The following GRM8 variants were observed in gnomAD, a reference collection of about 807,000 sequenced individuals.
GRM8 encodes the protein metabotropic glutamate receptor 8.
GRM8 carries 47 observed loss-of-function variants against 87.2 expected under a neutral mutation model. That is an observed-to-expected ratio of 0.54 (90% confidence interval 0.43 to 0.69). The LOEUF (loss-of-function observed/expected upper bound fraction) is 0.69, where lower values mean the gene tolerates loss of function less well. Ranked by LOEUF, GRM8 falls within the 30% of genes least tolerant of loss-of-function variation. The probability of loss-of-function intolerance (pLI) is 0.00; values close to 1 mark genes in which losing one functional copy is unlikely to be tolerated. For missense variants in GRM8, 1,019 were observed against 1,139.2 expected, an observed-to-expected ratio of 0.89 and a Z score of 1.52; for synonymous variants, 396 against 404.5, an observed-to-expected ratio of 0.98 and a Z score of 0.25.
At chr7:127,048,533 A>T in intron 3 of GRM8, among the ~76,000 whole-genome samples, 1 of 152,242 alleles carries the variant, frequency 6.6e-6, no homozygotes. Flanking sequence ...TCAAGAGGCC[A>T]TGGCAGTATT....
chr7:126,533,163 A>G lies in GRM8; in HGVS notation c.2219T>C (p.Leu740Pro). 6.2e-7 allele frequency: 1 copy of G among 1,612,846 alleles called. No individual in the cohort carries two copies. The highest frequency in any genetic ancestry group is 8.5e-7 in the Non-Finnish European group (1 of 1,179,726). The change falls in exon 9 of 11, where the codon CTC (leucine) becomes CCC (proline). Residue 740 changes from leucine to proline, a missense_variant. Physicochemically the swap from Leu to Pro is moderately conservative, Grantham distance 98. Coordinates refer to ENST00000339582, the MANE Select transcript of GRM8 (RefSeq NM_000845.3). Reference protein sequence around the residue: ...TLDPEKARGVLKCDISDLSLI... With the variant: ...TLDPEKARGVPKCDISDLSLI... ...TGAGAGATCAGAAATGTCACACTTG[A>G]GCACTCCCCTGGCCTTCTCTGGATC...
chr7:126,469,829 T>C (rs1804955753), intron 9 of GRM8, among the ~76,000 whole-genome samples: 1 of 152,092 alleles, frequency 6.6e-6, no homozygotes, highest in African/African-American at 2.4e-5. Context: ...TAGAGTGTGG[T>C]ACTGCTAATA....
At chr7:126,949,947 T>C (rs891587334) in intron 3 of GRM8, among the ~76,000 whole-genome samples, 2 of 152,204 alleles carry the variant, frequency 1.3e-5, no homozygotes, top group African/African-American at 4.8e-5. Context: ...TGTAGGCTTC[T>C]GTCGAGTATT....
chr7:126,550,771 A>G (rs1248173241), intron 8 of GRM8, among the ~76,000 whole-genome samples: 1 of 151,868 alleles, frequency 6.6e-6, no homozygotes, highest in East Asian at 1.9e-4. Context: ...GTAGGCACAA[A>G]TGATACATAA....
intron 8 of GRM8, among the ~76,000 whole-genome samples, chr7:126,572,860 G>A (rs1794798501): frequency 6.6e-6 from 1 of 152,156 alleles, no homozygotes; most frequent in African/African-American, 2.4e-5. Flanking sequence ...AGGTACAGAA[G>A]TGACATCCTA....
At chr7:127,014,952 A>G (rs943151507) in intron 3 of GRM8, among the ~76,000 whole-genome samples, 4 of 141,106 alleles carry the variant, frequency 2.8e-5, no homozygotes, top group Non-Finnish European at 6.1e-5. Context: ...AGAAAGAGAG[A>G]GAGAAGAAGA....
At chr7:127,041,743 G>T (rs1486863731) in intron 3 of GRM8, among the ~76,000 whole-genome samples, 1 of 152,156 alleles carries the variant, frequency 6.6e-6, no homozygotes, top group Non-Finnish European at 1.5e-5. Context: ...CTGTTTTATA[G>T]CAAAACCTCC....
intron 2 of GRM8, among the ~76,000 whole-genome samples, chr7:127,238,394 C>A (rs1798105584): frequency 6.6e-6 from 1 of 151,922 alleles, no homozygotes; most frequent in Non-Finnish European, 1.5e-5. Context: ...TGTTCTGTAA[C>A]TCTCAAATTT....
At chr7:127,115,499 TATC>T (rs1587063938) in intron 2 of GRM8, among the ~76,000 whole-genome samples, 1 of 152,222 alleles carries the variant, frequency 6.6e-6, no homozygotes. Context: ...AAATAACTAA[TATC>T]ATGTTTTAGA....
intron 7 of GRM8, among the ~76,000 whole-genome samples, chr7:126,646,079 T>G (rs1803013121): frequency 2.0e-5 from 3 of 152,162 alleles, no homozygotes; most frequent in Admixed American, 1.3e-4. Context: ...TCATCATCCC[T>G]CCACATGCCC....
intron 7 of GRM8, among the ~76,000 whole-genome samples, chr7:126,750,846 G>A (rs67175815): frequency 0.34 from 52,279 of 151,648 alleles, 9,638 homozygotes; most frequent in Middle Eastern, 0.46. Flanking sequence ...TTCTACAAAA[G>A]CAGTTATCAT....
At chr7:126,580,088 A>G (rs1795471413) in intron 8 of GRM8, among the ~76,000 whole-genome samples, 1 of 152,154 alleles carries the variant, frequency 6.6e-6, no homozygotes, top group Admixed American at 6.6e-5. Context: ...TAATAATTCA[A>G]ATGGCCAAAG....
intron 3 of GRM8, among the ~76,000 whole-genome samples, chr7:127,015,182 A>C (rs28730362): frequency 1.9e-5 from 1 of 51,402 alleles, no homozygotes; most frequent in South Asian, 8.8e-4. Context: ...GAAGGAGAAG[A>C]AGAAGAAGAA....
chr7:126,723,757 G>T, intron 7 of GRM8, among the ~76,000 whole-genome samples: 1 of 152,220 alleles, frequency 6.6e-6, no homozygotes. Flanking sequence ...CTACATCTTT[G>T]TGTGAATCAT....
chr7:126,907,372 A>G (rs1380555850), intron 3 of GRM8, among the ~76,000 whole-genome samples: 1 of 152,044 alleles, frequency 6.6e-6, no homozygotes, highest in African/African-American at 2.4e-5. Context: ...CAGAAGAGGC[A>G]GAAGAAGAAA....
chr7:126,608,446 G>A lies in GRM8; in HGVS notation c.1494+916C>T, dbSNP rs547201979. ...ATGGTGCGGCACCTGGCAGGCAAAT[G>A]CCCAGGTGCTTTTGGGCACCAATCC... On this transcript the variant is annotated intron_variant, in intron 8 of 10. Coordinates refer to ENST00000339582, the MANE Select transcript of GRM8 (RefSeq NM_000845.3). Among the ~76,000 whole-genome samples the A allele has an allele frequency of 2.0e-5, 3 of 152,282 alleles. No homozygotes were observed. The East Asian group carries it at 5.8e-4, about 29-fold the overall frequency.
intron 2 of GRM8, among the ~76,000 whole-genome samples, chr7:127,235,672 A>C (rs1158238390): frequency 6.6e-6 from 1 of 152,232 alleles, no homozygotes; most frequent in African/African-American, 2.4e-5. Context: ...TTCTTGACCA[A>C]ACATCAGAAT....
At chr7:126,748,469 G>T (rs60180116) in intron 7 of GRM8, among the ~76,000 whole-genome samples, 3,333 of 151,998 alleles carry the variant, frequency 0.022, 134 homozygotes, top group African/African-American at 0.076. Context: ...TTAAAACATT[G>T]TGGAGATAAA....
chr7:126,668,132 G>A (rs757768679), intron 7 of GRM8, among the ~76,000 whole-genome samples: 1 of 152,068 alleles, frequency 6.6e-6, no homozygotes, highest in Non-Finnish European at 1.5e-5. Context: ...CTGGGATTCC[G>A]ACAACCCAGC....
Sources: gnomAD v4.1 joint callset for allele counts (sites outside exome capture counted in the v4.1 genomes callset) on GRCh38, gnomAD v4.1.1 for gene constraint, MANE v1.5 for transcripts, NCBI Gene and HGNC (gene_info 2026-07-23, HGNC 2026-07-21) for gene names.